BABAM2: variants seen among roughly 807,000 people sequenced by gnomAD.
BABAM2 encodes the protein BRISC and BRCA1 A complex member 2, also known as BRISC and BRCA1-A complex member 2.
In BABAM2, 31 loss-of-function variants were observed where a neutral mutation model predicts 54.7. That is an observed-to-expected ratio of 0.57 (90% CI 0.43 to 0.77). BABAM2 has a LOEUF of 0.77. BABAM2 is among the 30% of genes least tolerant of loss of function. BABAM2 has a pLI of 0.00. For synonymous variants in BABAM2, 167 were observed against 162.9 expected (o/e 1.03, Z -0.19); for missense variants, 364 against 455.8 (o/e 0.80, Z 1.83).
chr2:28,308,578 A>G (rs1025908986), intron 11 of BABAM2: 4 of 448,508 alleles, frequency 8.9e-6, no homozygotes, highest in Admixed American at 7.7e-5. Flanking sequence ...TATTGGGATC[A>G]TCTAAACTGA....
intron 10 of BABAM2, among the ~76,000 whole-genome samples, chr2:28,261,366 G>A (rs1274970321): frequency 2.5e-4 from 33 of 133,966 alleles, no homozygotes; most frequent in African/African-American, 5.4e-4. Context: ...TTGCTCTGTC[G>A]CCCAGGCTGG....
rs548144059 is a variant in BABAM2 at position 28,117,849 on chromosome 2, T to C, written c.571-11422T>C. On this transcript the variant is annotated intron_variant, in intron 6 of 11. Coordinates refer to ENST00000379624, the MANE Select transcript of BABAM2 (RefSeq NM_199191.3). Reference sequence around the variant, plus strand: ...AGAGGAGAGGGTATCAGGCAAGCAATATCACATATGTCCACTATATCAACT... The same window carrying C: ...AGAGGAGAGGGTATCAGGCAAGCAACATCACATATGTCCACTATATCAACT... 7.9e-5 allele frequency among the ~76,000 whole-genome samples: 12 copies of C among 152,264 alleles called. No homozygotes were observed. In the South Asian group the frequency reaches 2.1e-3, roughly 26 times the overall value.
At chr2:28,109,774 A>G (rs1667843781) in intron 6 of BABAM2, among the ~76,000 whole-genome samples, 1 of 152,150 alleles carries the variant, frequency 6.6e-6, no homozygotes, top group Non-Finnish European at 1.5e-5. Flanking sequence ...ACCTTGTTGT[A>G]CTTTTCAGTT....
At chr2:28,120,387 T>C (rs1668967292) in intron 6 of BABAM2, among the ~76,000 whole-genome samples, 1 of 152,212 alleles carries the variant, frequency 6.6e-6, no homozygotes, top group Admixed American at 6.5e-5. Flanking sequence ...TTTTTGTACA[T>C]TTCTTTGAGC....
In BABAM2 at chr2:28,112,182, C is replaced by T. The variant is rs1668158386; in HGVS notation, c.571-17089C>T. On this transcript the variant is annotated intron_variant, in intron 6 of 11. Coordinates refer to ENST00000379624, the MANE Select transcript of BABAM2 (RefSeq NM_199191.3). ...CCCTCCCTCCCTCCCTCCCTCCCTCCCTCCCTCCCTCCCTCCCTTCCTTCC... is the reference window on the plus strand; with the variant it reads ...CCCTCCCTCCCTCCCTCCCTCCCTCTCTCCCTCCCTCCCTCCCTTCCTTCC... 1.3e-4 allele frequency among the ~76,000 whole-genome samples: 9 copies of T among 67,986 alleles called. 2 individuals are homozygous for T. Among genetic ancestry groups the T allele is most frequent in the Admixed American group, 4.9e-4 (3 of 6,086 alleles). 44.6% of individuals were successfully genotyped at this position (67,986 alleles called of 152,430 possible).
chr2:28,121,019 G>C (rs138360863), intron 6 of BABAM2, among the ~76,000 whole-genome samples: 16 of 152,150 alleles, frequency 1.1e-4, no homozygotes, highest in Non-Finnish European at 2.1e-4. Flanking sequence ...TTTCCGTTTG[G>C]AGGAACCAAA....
Position 28,128,246 on chromosome 2 carries a change from G to T in BABAM2, c.571-1025G>T, listed in dbSNP as rs186290765. On this transcript the variant is annotated intron_variant, in intron 6 of 11. Transcript: ENST00000379624. Reference sequence around the variant, plus strand: ...TTACCAGTCTCTATGAGTGAAAGATGTTAAGTGTTTAACACATATTAAGTG... The same window carrying T: ...TTACCAGTCTCTATGAGTGAAAGATTTTAAGTGTTTAACACATATTAAGTG... Among the ~76,000 whole-genome samples the T allele has an allele frequency of 8.7e-4, 132 of 152,290 alleles. 1 individual carries two copies. Among genetic ancestry groups the T allele is most frequent in the Admixed American group, 3.4e-3 (52 of 15,300 alleles).
intron 7 of BABAM2, among the ~76,000 whole-genome samples, chr2:28,199,813 G>T (rs968875806): frequency 2.0e-5 from 3 of 152,200 alleles, no homozygotes; most frequent in Non-Finnish European, 4.4e-5. Flanking sequence ...AGGAGCCATT[G>T]TTGACAGGTA....
intron 6 of BABAM2, among the ~76,000 whole-genome samples, chr2:28,123,938 T>G (rs11891364): frequency 0.013 from 1,931 of 152,326 alleles, 39 homozygotes; most frequent in African/African-American, 0.045. Context: ...TTCCGCTCTT[T>G]ATTGAAATAG....
At chr2:28,203,179 G>A (rs2147961325) in intron 7 of BABAM2, among the ~76,000 whole-genome samples, 1 of 152,258 alleles carries the variant, frequency 6.6e-6, no homozygotes, top group South Asian at 2.1e-4. Flanking sequence ...GTTCGGCCTT[G>A]TATTTTAGGA....
At chr2:28,020,264 T>C (rs1210194786) in intron 4 of BABAM2, among the ~76,000 whole-genome samples, 2 of 152,160 alleles carry the variant, frequency 1.3e-5, no homozygotes, top group Non-Finnish European at 2.9e-5. Context: ...TTTCTTAAAC[T>C]TTGAGATTGA....
At chr2:28,222,926 C>T (rs768635259) in intron 7 of BABAM2, among the ~76,000 whole-genome samples, 2 of 152,200 alleles carry the variant, frequency 1.3e-5, no homozygotes, top group African/African-American at 4.8e-5. Flanking sequence ...CCCGCAGGCC[C>T]GCCCCGCACT....
chr2:28,161,222 T>C (rs1490894097), intron 7 of BABAM2, among the ~76,000 whole-genome samples: 2 of 152,174 alleles, frequency 1.3e-5, no homozygotes, highest in East Asian at 3.9e-4. Context: ...TGCCCAACCA[T>C]TGCCTTTTTT....
intron 6 of BABAM2, among the ~76,000 whole-genome samples, chr2:28,054,765 G>T (rs754435905): frequency 2.0e-5 from 3 of 152,184 alleles, no homozygotes; most frequent in Non-Finnish European, 2.9e-5. Context: ...TATTTTGTTA[G>T]CTACGCAGTT....
chr2:28,153,572 G>A (rs1437924750), intron 7 of BABAM2, among the ~76,000 whole-genome samples: 2 of 152,128 alleles, frequency 1.3e-5, no homozygotes, highest in East Asian at 1.9e-4. Flanking sequence ...TTTGTTGAAT[G>A]TGTTGAATCA....
At chr2:28,011,542 T>C (rs950943906) in intron 4 of BABAM2, among the ~76,000 whole-genome samples, 6 of 151,956 alleles carry the variant, frequency 3.9e-5, no homozygotes, top group African/African-American at 7.3e-5. Context: ...GTCTGGCAAA[T>C]ATTGCAGGTC....
chr2:27,927,451 A>G (rs947376590), intron 2 of BABAM2, among the ~76,000 whole-genome samples: 1 of 152,220 alleles, frequency 6.6e-6, no homozygotes, highest in Non-Finnish European at 1.5e-5. Flanking sequence ...TAGAAAAGGA[A>G]AAATCTTAGT....
intron 2 of BABAM2, among the ~76,000 whole-genome samples, chr2:27,903,899 T>C (rs1666006467): frequency 6.6e-6 from 1 of 152,210 alleles, no homozygotes; most frequent in Non-Finnish European, 1.5e-5. Flanking sequence ...TTTACCTTTT[T>C]CCTTAAAGGA....
intron 6 of BABAM2, among the ~76,000 whole-genome samples, chr2:28,056,848 G>A (rs1309850636): frequency 6.6e-6 from 1 of 152,146 alleles, no homozygotes; most frequent in East Asian, 1.9e-4. Context: ...TGGGAATATA[G>A]CATCTTAAAT....
Sources: gnomAD v4.1 joint callset for allele counts (sites outside exome capture counted in the v4.1 genomes callset) on GRCh38, gnomAD v4.1.1 for gene constraint, MANE v1.5 for transcripts, NCBI Gene and HGNC (gene_info 2026-07-23, HGNC 2026-07-21) for gene names.